SLC24A2: variants seen among roughly 807,000 people sequenced by gnomAD.
The protein encoded by SLC24A2 is sodium/potassium/calcium exchanger 2.
In SLC24A2, 36 loss-of-function variants were observed where a neutral mutation model predicts 62.0. That is an observed-to-expected ratio of 0.58 (90% CI 0.44 to 0.77). The LOEUF is 0.77. SLC24A2 is among the 30% of genes least tolerant of loss of function. SLC24A2 has a pLI of 0.00. For missense variants in SLC24A2, 846 were observed against 817.9 expected (o/e 1.03, Z -0.42); for synonymous variants, 358 against 294.0 (o/e 1.22, Z -2.23).
At chr9:19,782,441 A>G (rs1284900008) in intron 2 of SLC24A2, among the ~76,000 whole-genome samples, 2 of 152,216 alleles carry the variant, frequency 1.3e-5, no homozygotes, top group Non-Finnish European at 2.9e-5. Flanking sequence ...ATTCCAAATA[A>G]TAAAATCTCA....
chr9:19,820,238 G>A, the SLC24A2 span, among the ~76,000 whole-genome samples: 5 of 150,144 alleles, frequency 3.3e-5, no homozygotes, highest in Non-Finnish European at 7.4e-5. Flanking sequence ...TAAGCTGTGA[G>A]GACGCAAAGG....
At chr9:20,006,674 G>A in the SLC24A2 span, among the ~76,000 whole-genome samples, 1 of 151,954 alleles carries the variant, frequency 6.6e-6, no homozygotes, top group Non-Finnish European at 1.5e-5. Flanking sequence ...CCTCATCAAG[G>A]CCTAGGGAAT....
chr9:20,108,640 T>C, the SLC24A2 span, among the ~76,000 whole-genome samples: 3 of 150,040 alleles, frequency 2.0e-5, no homozygotes, highest in Non-Finnish European at 4.4e-5. Flanking sequence ...TAGGTGGGAA[T>C]TGAACAATGA....
the SLC24A2 span, among the ~76,000 whole-genome samples, chr9:20,000,728 A>G: frequency 1.2e-4 from 18 of 152,176 alleles, no homozygotes; most frequent in African/African-American, 4.3e-4. Flanking sequence ...TAAAGAATGG[A>G]CCCCAGTTTT....
the SLC24A2 span, among the ~76,000 whole-genome samples, chr9:20,188,409 T>A: frequency 6.6e-6 from 1 of 152,144 alleles, no homozygotes; most frequent in Non-Finnish European, 1.5e-5. Context: ...TTAGGGATCA[T>A]TGCAGGAGCC....
the SLC24A2 span, among the ~76,000 whole-genome samples, chr9:19,861,752 G>A: frequency 2.0e-5 from 3 of 151,992 alleles, no homozygotes; most frequent in Non-Finnish European, 2.9e-5. Flanking sequence ...TAATTAAAAG[G>A]AATCAAACAG....
intron 9 of SLC24A2, among the ~76,000 whole-genome samples, chr9:19,525,901 G>C (rs1334449436): frequency 2.0e-5 from 3 of 150,986 alleles, no homozygotes; most frequent in Non-Finnish European, 4.4e-5. Flanking sequence ...TAATTCAATG[G>C]TTTTTAATGT....
chr9:19,629,014 C>T (rs1254694573), intron 2 of SLC24A2, among the ~76,000 whole-genome samples: 1 of 152,122 alleles, frequency 6.6e-6, no homozygotes, highest in African/African-American at 2.4e-5. Context: ...GCAAATGAGG[C>T]AGATTTCAGT....
the SLC24A2 span, among the ~76,000 whole-genome samples, chr9:19,906,257 T>G: frequency 1.1e-4 from 17 of 151,822 alleles, no homozygotes; most frequent in South Asian, 2.1e-4. Context: ...AAGGCAGAAA[T>G]AAAGATGTTC....
At chr9:20,281,299 A>G in the SLC24A2 span, among the ~76,000 whole-genome samples, 3 of 152,206 alleles carry the variant, frequency 2.0e-5, no homozygotes, top group African/African-American at 7.2e-5. Flanking sequence ...TTTTAAGGAA[A>G]CTATAAACTT....
At chr9:19,698,523 A>G (rs1820259564) in intron 2 of SLC24A2, among the ~76,000 whole-genome samples, 1 of 152,206 alleles carries the variant, frequency 6.6e-6, no homozygotes, top group African/African-American at 2.4e-5. Context: ...GAAGAACTCT[A>G]AAATTAGATT....
intron 4 of SLC24A2, among the ~76,000 whole-genome samples, chr9:19,601,646 AAT>A (rs923103859): frequency 1.4e-4 from 4 of 29,164 alleles, no homozygotes; most frequent in Middle Eastern, 0.016. Flanking sequence ...ACACTGTTAG[AAT>A]ATTTTTTTTT....
At chr9:19,651,349 T>C (rs1270725216) in intron 2 of SLC24A2, among the ~76,000 whole-genome samples, 1 of 152,218 alleles carries the variant, frequency 6.6e-6, no homozygotes, top group Non-Finnish European at 1.5e-5. Context: ...TCATTCCTAT[T>C]TTATGTACAA....
chr9:19,675,600 C>T (rs1269113045), intron 2 of SLC24A2, among the ~76,000 whole-genome samples: 1 of 152,084 alleles, frequency 6.6e-6, no homozygotes, highest in Non-Finnish European at 1.5e-5. Context: ...ATTATGGCTG[C>T]CTCTGCTGTG....
the SLC24A2 span, among the ~76,000 whole-genome samples, chr9:20,195,948 G>A: frequency 6.6e-6 from 1 of 151,878 alleles, no homozygotes; most frequent in African/African-American, 2.4e-5. Context: ...TTAAAAATGG[G>A]CAAAAAACAT....
intron 2 of SLC24A2, among the ~76,000 whole-genome samples, chr9:19,748,250 T>C (rs559058339): frequency 4.1e-4 from 62 of 152,342 alleles, no homozygotes; most frequent in Non-Finnish European, 7.5e-4. Context: ...AGATCTGTGA[T>C]TTCAGTTGCC....
At chr9:19,701,855 T>G (rs902235451) in intron 2 of SLC24A2, among the ~76,000 whole-genome samples, 1 of 152,202 alleles carries the variant, frequency 6.6e-6, no homozygotes, top group African/African-American at 2.4e-5. Context: ...CCATTTGATC[T>G]AATCCATCTA....
chr9:20,244,610 T>C, the SLC24A2 span, among the ~76,000 whole-genome samples: 1 of 152,226 alleles, frequency 6.6e-6, no homozygotes, highest in Non-Finnish European at 1.5e-5. Flanking sequence ...CAAAGCTAAA[T>C]GGAAGTTTGG....
At chr9:19,524,589 C>G (rs1206228661) in intron 9 of SLC24A2, among the ~76,000 whole-genome samples, 3 of 152,126 alleles carry the variant, frequency 2.0e-5, no homozygotes, top group African/African-American at 7.2e-5. Context: ...TTCAGAAGTA[C>G]AAACAACAGA....
Sources: allele counts gnomAD v4.1 joint callset (sites outside exome capture counted in the v4.1 genomes callset), GRCh38; gene constraint gnomAD v4.1.1; transcripts MANE v1.5; gene names NCBI Gene and HGNC (gene_info 2026-07-23, HGNC 2026-07-21).